GRIA4: variants seen among roughly 807,000 people sequenced by gnomAD.
GRIA4 encodes the protein glutamate ionotropic receptor AMPA type subunit 4, also known as glutamate receptor 4.
Under a neutral mutation model 104.0 loss-of-function variants are expected in GRIA4, and 34 were observed. That is an observed-to-expected ratio of 0.33 (90% CI 0.25 to 0.44). GRIA4 has a LOEUF of 0.44. GRIA4 is among the 20% of genes least tolerant of loss of function. GRIA4 has a pLI of 1.00. For missense variants in GRIA4, 750 were observed against 1,096.5 expected (o/e 0.68, Z 4.46); for synonymous variants, 386 against 381.9 (o/e 1.01, Z -0.13).
intron 3 of GRIA4, among the ~76,000 whole-genome samples, chr11:105,739,607 A>T (rs1366086386): frequency 1.3e-5 from 2 of 152,216 alleles, no homozygotes; most frequent in African/African-American, 2.4e-5. Flanking sequence ...TAGCATTTAC[A>T]TATTAATAAC....
At chr11:105,915,423 AC>A (rs1565339835) in intron 10 of GRIA4, among the ~76,000 whole-genome samples, 1 of 152,204 alleles carries the variant, frequency 6.6e-6, no homozygotes, top group Non-Finnish European at 1.5e-5. Context: ...AAAATGAAAG[AC>A]ATTAGATAAA....
At chr11:105,826,541 T>C (rs1351633726) in intron 4 of GRIA4, among the ~76,000 whole-genome samples, 1 of 152,086 alleles carries the variant, frequency 6.6e-6, no homozygotes, top group Non-Finnish European at 1.5e-5. Context: ...TTTGTCATGA[T>C]AGATTGCAGG....
chr11:105,836,781 A>T (rs1234165412), intron 4 of GRIA4, among the ~76,000 whole-genome samples: 1 of 152,168 alleles, frequency 6.6e-6, no homozygotes, highest in Admixed American at 6.6e-5. Flanking sequence ...TTTGAGAAAT[A>T]GTCTTAAATG....
intron 4 of GRIA4, among the ~76,000 whole-genome samples, chr11:105,784,681 A>C (rs1292682635): frequency 6.6e-6 from 1 of 152,214 alleles, no homozygotes; most frequent in Non-Finnish European, 1.5e-5. Flanking sequence ...ATTTTGCACA[A>C]GTATGCAAAT....
At chr11:105,743,029 A>AT (rs967546191) in intron 3 of GRIA4, among the ~76,000 whole-genome samples, 2 of 152,034 alleles carry the variant, frequency 1.3e-5, no homozygotes, top group Non-Finnish European at 2.9e-5. Context: ...GAGCCCTCAG[A>AT]TTTTTATGTT....
intron 4 of GRIA4, among the ~76,000 whole-genome samples, chr11:105,800,109 A>C (rs532257217): frequency 2.4e-4 from 36 of 152,260 alleles, no homozygotes; most frequent in Admixed American, 4.6e-4. Context: ...AAGTAGGTCC[A>C]ATAGATTAAT....
chr11:105,919,500 T>C (rs575075538), intron 11 of GRIA4, among the ~76,000 whole-genome samples: 15 of 152,250 alleles, frequency 9.9e-5, no homozygotes, highest in African/African-American at 3.6e-4. Context: ...ATAGTATACA[T>C]AGCAAAACAC....
At chr11:105,942,918 C>T (rs1431034195) in intron 14 of GRIA4, among the ~76,000 whole-genome samples, 2 of 152,132 alleles carry the variant, frequency 1.3e-5, no homozygotes. Flanking sequence ...TGACATCCAA[C>T]TTATTCAAGT....
intron 3 of GRIA4, among the ~76,000 whole-genome samples, chr11:105,644,654 T>A (rs1356568763): frequency 6.6e-6 from 1 of 152,070 alleles, no homozygotes; most frequent in Non-Finnish European, 1.5e-5. Flanking sequence ...TTTTATCTTT[T>A]TAGAAAATCA....
chr11:105,863,480 G>T (rs1270542401), intron 5 of GRIA4, among the ~76,000 whole-genome samples: 1 of 151,996 alleles, frequency 6.6e-6, no homozygotes. Flanking sequence ...TTATTCCTAA[G>T]AGAGTCCAAA....
At chr11:105,897,537 C>T (rs1020094829) in intron 6 of GRIA4, among the ~76,000 whole-genome samples, 3 of 151,798 alleles carry the variant, frequency 2.0e-5, no homozygotes, top group Non-Finnish European at 2.9e-5. Context: ...TGATGTTTGC[C>T]GTGGGTTTGT....
intron 4 of GRIA4, among the ~76,000 whole-genome samples, chr11:105,777,217 G>T (rs1317424093): frequency 2.6e-5 from 4 of 152,040 alleles, no homozygotes; most frequent in Non-Finnish European, 4.4e-5. Flanking sequence ...TAATGAACAG[G>T]TATTGCTCTT....
chr11:105,896,666 G>C (rs1006244748), intron 6 of GRIA4, among the ~76,000 whole-genome samples: 1 of 152,056 alleles, frequency 6.6e-6, no homozygotes, highest in Non-Finnish European at 1.5e-5. Flanking sequence ...ATTGAATAGA[G>C]TATCCTTTCC....
intron 13 of GRIA4, among the ~76,000 whole-genome samples, chr11:105,928,146 A>G (rs899984674): frequency 7.9e-5 from 12 of 151,980 alleles, no homozygotes; most frequent in Non-Finnish European, 1.6e-4. Flanking sequence ...TATCCTTTTT[A>G]AAGAAAATTT....
At chr11:105,910,726 C>A (rs1591435716) in intron 10 of GRIA4, among the ~76,000 whole-genome samples, 181 bp downstream of exon 10, 1 of 152,006 alleles carries the variant, frequency 6.6e-6, no homozygotes, top group East Asian at 1.9e-4. Flanking sequence ...TCATATAGTA[C>A]TTTTATTTGT....
At chr11:105,941,774 T>C (rs1317753860) in intron 14 of GRIA4, among the ~76,000 whole-genome samples, 1 of 152,126 alleles carries the variant, frequency 6.6e-6, no homozygotes, top group Non-Finnish European at 1.5e-5. Context: ...CTGTTGTTGC[T>C]TCACTACACA....
At chr11:105,680,117 T>C (rs1261856689) in intron 3 of GRIA4, among the ~76,000 whole-genome samples, 1 of 152,172 alleles carries the variant, frequency 6.6e-6, no homozygotes, top group African/African-American at 2.4e-5. Flanking sequence ...ACTGCCTAAG[T>C]GGTTAACATC....
At chr11:105,927,468 C>A (rs1823181191) in intron 13 of GRIA4, among the ~76,000 whole-genome samples, 1 of 152,032 alleles carries the variant, frequency 6.6e-6, no homozygotes, top group Non-Finnish European at 1.5e-5. Context: ...AGAACTTTTC[C>A]ATTCTAGGCC....
chr11:105,944,944 T>C (rs1375971439), intron 14 of GRIA4, among the ~76,000 whole-genome samples: 1 of 152,260 alleles, frequency 6.6e-6, no homozygotes, highest in Non-Finnish European at 1.5e-5. Flanking sequence ...GATGTTTTTC[T>C]AGCTCTCCCA....
Sources: gnomAD v4.1 joint callset for allele counts (sites outside exome capture counted in the v4.1 genomes callset) on GRCh38, gnomAD v4.1.1 for gene constraint, MANE v1.5 for transcripts, NCBI Gene and HGNC (gene_info 2026-07-23, HGNC 2026-07-21) for gene names.